Variants in B3GALT1 observed in about 807,000 individuals in gnomAD.
B3GALT1 encodes UDP-Gal:betaGlcNAc beta 1,3-galactosyltransferase, polypeptide 1.
B3GALT1 carries 10 observed loss-of-function variants against 23.2 expected under a neutral mutation model. The observed-to-expected ratio is 0.43, with a 90% CI of 0.27 to 0.73. The LOEUF (loss-of-function observed/expected upper bound fraction) is 0.73. B3GALT1 is among the 30% of genes least tolerant of loss of function. B3GALT1 has a pLI of 0.21. For missense variants in B3GALT1, 299 were observed against 405.4 expected, an observed-to-expected ratio of 0.74 and a Z score of 2.25; for synonymous variants, 156 against 141.5, an observed-to-expected ratio of 1.10 and a Z score of -0.73.
intron 2 of B3GALT1, among the ~76,000 whole-genome samples, chr2:167,603,186 A>T (rs887698728): frequency 6.6e-6 from 1 of 152,174 alleles, no homozygotes; most frequent in African/African-American, 2.4e-5. Context: ...CTTTGTCAGT[A>T]TCAGGCAGAT....
In B3GALT1 at chr2:167,621,394, A is replaced by G. The variant is rs150162430; in HGVS notation, c.-409-25515A>G. ...AGCCACCTTGCCTGGCCAGTGAGTT[A>G]TTTTCAATCAATTTAACTAAAATGT... On this transcript the variant is annotated intron_variant, in intron 2 of 4. Transcript: ENST00000392690. 8.6e-4 allele frequency among the ~76,000 whole-genome samples: 131 copies of G among 151,992 alleles called. 2 individuals carry two copies. Among genetic ancestry groups the G allele is most frequent in the Middle Eastern group, 3.4e-3 (1 of 294 alleles).
chr2:167,668,832 A>G (rs761975998), intron 3 of B3GALT1, among the ~76,000 whole-genome samples: 3 of 152,104 alleles, frequency 2.0e-5, no homozygotes, highest in Non-Finnish European at 2.9e-5. Flanking sequence ...GCACCCACTG[A>G]CCTGCGCCCA....
chr2:167,406,995 A>G (rs1022662116), intron 1 of B3GALT1, among the ~76,000 whole-genome samples: 6 of 150,456 alleles, frequency 4.0e-5, no homozygotes, highest in Non-Finnish European at 8.9e-5. Context: ...TAATAGGCCA[A>G]ACTGGCATTT....
intron 1 of B3GALT1, among the ~76,000 whole-genome samples, chr2:167,444,144 G>C (rs1311817811): frequency 2.0e-5 from 3 of 152,176 alleles, no homozygotes; most frequent in African/African-American, 7.2e-5. Context: ...TTTGTCTTTG[G>C]TTCTGTTTAT....
chr2:167,643,073 A>C (rs562601388), intron 2 of B3GALT1, among the ~76,000 whole-genome samples: 14 of 152,220 alleles, frequency 9.2e-5, no homozygotes, highest in Non-Finnish European at 1.8e-4. Context: ...TTTTAAAAAC[A>C]TATAACAATG....
chr2:167,432,445 A>G (rs1698719827), intron 1 of B3GALT1, among the ~76,000 whole-genome samples: 1 of 152,228 alleles, frequency 6.6e-6, no homozygotes. Context: ...AAGACAGGGA[A>G]GAAAGCATGC....
rs111553674 is a variant in B3GALT1 at position 167,700,124 on chromosome 2, C to T, written c.-352+53158C>T. Reference sequence around the variant, plus strand: ...AATTATCCAGGCGCAATGGTACACACTTGTTGTCCTAGCTACTTGGGAGGC... The same window carrying T: ...AATTATCCAGGCGCAATGGTACACATTTGTTGTCCTAGCTACTTGGGAGGC... On this transcript the variant is annotated intron_variant, in intron 3 of 4. Coordinates refer to ENST00000392690, the MANE Select transcript of B3GALT1 (RefSeq NM_020981.4). 2.7e-3 allele frequency among the ~76,000 whole-genome samples: 410 copies of T among 152,260 alleles called. 3 individuals are homozygous for T. Among genetic ancestry groups the T allele is most frequent in the African/African-American group, 9.6e-3 (398 of 41,554 alleles).
intron 1 of B3GALT1, among the ~76,000 whole-genome samples, chr2:167,402,921 G>A (rs1264788634): frequency 6.6e-6 from 1 of 152,098 alleles, no homozygotes; most frequent in Non-Finnish European, 1.5e-5. Context: ...TTTTAAACAA[G>A]CATAATGCAG....
At chr2:167,634,157 C>A (rs1242367263) in intron 2 of B3GALT1, among the ~76,000 whole-genome samples, 1 of 152,002 alleles carries the variant, frequency 6.6e-6, no homozygotes, top group Admixed American at 6.6e-5. Context: ...CCAATGAGAA[C>A]AAATACACAA....
intron 3 of B3GALT1, among the ~76,000 whole-genome samples, chr2:167,765,499 A>G (rs968203183): frequency 1.3e-5 from 2 of 152,212 alleles, no homozygotes; most frequent in African/African-American, 2.4e-5. Flanking sequence ...GAAATAGTCA[A>G]TAAATCTCTT....
chr2:167,560,504 G>C (rs1413911748), intron 2 of B3GALT1, among the ~76,000 whole-genome samples: 1 of 152,166 alleles, frequency 6.6e-6, no homozygotes, highest in Non-Finnish European at 1.5e-5. Context: ...AAAAGACACA[G>C]ACTGGCAAAT....
At chr2:167,662,308 G>A (rs1686074505) in intron 3 of B3GALT1, among the ~76,000 whole-genome samples, 1 of 152,084 alleles carries the variant, frequency 6.6e-6, no homozygotes, top group Non-Finnish European at 1.5e-5. Context: ...ATGATTGATT[G>A]TGGTTTCTCA....
intron 4 of B3GALT1, among the ~76,000 whole-genome samples, chr2:167,828,553 G>C (rs773553656): frequency 2.0e-5 from 3 of 152,110 alleles, no homozygotes; most frequent in Non-Finnish European, 4.4e-5. Flanking sequence ...TTTAAAACAT[G>C]TCCCCTTCTT....
At chr2:167,569,386 A>C (rs781749194) in intron 2 of B3GALT1, among the ~76,000 whole-genome samples, 5 of 151,890 alleles carry the variant, frequency 3.3e-5, no homozygotes, top group Non-Finnish European at 7.4e-5. Context: ...AGAGATTTTT[A>C]GATTTCCTCA....
At chr2:167,437,050 C>G (rs1166649733) in intron 1 of B3GALT1, among the ~76,000 whole-genome samples, 1 of 152,042 alleles carries the variant, frequency 6.6e-6, no homozygotes, top group Non-Finnish European at 1.5e-5. Context: ...AAGTGTATCC[C>G]CAAGCTCCTT....
intron 3 of B3GALT1, among the ~76,000 whole-genome samples, chr2:167,747,925 T>A (rs1687676659): frequency 6.6e-6 from 1 of 152,198 alleles, no homozygotes; most frequent in Non-Finnish European, 1.5e-5. Context: ...AATGGTTAAG[T>A]ATTTATTTCA....
intron 3 of B3GALT1, among the ~76,000 whole-genome samples, chr2:167,700,832 G>A (rs548514761): frequency 6.6e-6 from 1 of 152,200 alleles, no homozygotes; most frequent in East Asian, 1.9e-4. Flanking sequence ...TCATATCTCC[G>A]GGGTTCACCT....
intron 3 of B3GALT1, chr2:167,713,991 G>A: frequency 6.4e-7 from 1 of 1,552,094 alleles, no homozygotes; most frequent in Admixed American, 1.7e-5. Context: ...AGAGGTGGAG[G>A]AATAAAGCCG....
intron 1 of B3GALT1, among the ~76,000 whole-genome samples, chr2:167,453,515 C>G (rs1044041157): frequency 7.9e-5 from 12 of 152,068 alleles, no homozygotes; most frequent in Non-Finnish European, 5.9e-5. Context: ...TATTTGAAGA[C>G]AAAGCTGAAA....
Sources: gnomAD v4.1 joint callset for allele counts (sites outside exome capture counted in the v4.1 genomes callset) on GRCh38, gnomAD v4.1.1 for gene constraint, MANE v1.5 for transcripts, NCBI Gene and HGNC (gene_info 2026-07-23, HGNC 2026-07-21) for gene names.